SAMD5: variants seen among roughly 807,000 people sequenced by gnomAD.
The protein encoded by SAMD5 is sterile alpha motif domain-containing protein 5.
A neutral mutation model predicts 11.3 loss-of-function variants in SAMD5; 13 were observed. The ratio of observed to expected loss-of-function variants is 1.15; its 90% CI spans 0.75 to 1.83. The LOEUF (loss-of-function observed/expected upper bound fraction) is 1.83. Among genes scored for constraint, SAMD5 ranks in the 40% most tolerant of loss-of-function variants. SAMD5 has a pLI of 0.00. For synonymous variants in SAMD5, 129 were observed against 111.3 expected (o/e 1.16, Z -1.00); for missense variants, 255 against 239.1 (o/e 1.07, Z -0.44).
chr6:147,563,263 G>A (rs539053019), intron 1 of SAMD5, among the ~76,000 whole-genome samples: 5 of 152,278 alleles, frequency 3.3e-5, no homozygotes, highest in Admixed American at 3.3e-4. Context: ...AATGGCAGGT[G>A]CTAAAACAAA....
the SAMD5 span, among the ~76,000 whole-genome samples, chr6:147,900,199 T>G: frequency 1.4e-3 from 213 of 152,260 alleles, no homozygotes; most frequent in African/African-American, 4.9e-3. Context: ...TGTTCCCAAC[T>G]TGTCAGGACC....
intron 1 of SAMD5, among the ~76,000 whole-genome samples, chr6:147,701,635 A>G (rs1437895887): frequency 2.7e-5 from 4 of 147,484 alleles, no homozygotes; most frequent in African/African-American, 1.0e-4. Flanking sequence ...AGGCTGGGCA[A>G]CAGAGCTAGT....
At chr6:147,639,633 G>C (rs1790280827) in intron 1 of SAMD5, among the ~76,000 whole-genome samples, 2 of 152,224 alleles carry the variant, frequency 1.3e-5, no homozygotes, top group Non-Finnish European at 2.9e-5. Context: ...CAAGAGCAGA[G>C]GGTAGCATAA....
chr6:147,536,715 T>C (rs1788514810), intron 1 of SAMD5, among the ~76,000 whole-genome samples: 1 of 152,122 alleles, frequency 6.6e-6, no homozygotes, highest in South Asian at 2.1e-4. Flanking sequence ...TTCTGTGGCA[T>C]GCAACAATTT....
intron 1 of SAMD5, among the ~76,000 whole-genome samples, chr6:147,560,018 A>G (rs1244663768): frequency 6.6e-6 from 1 of 152,164 alleles, no homozygotes; most frequent in African/African-American, 2.4e-5. Flanking sequence ...GGCAATAAAG[A>G]CTATCTGACT....
chr6:147,593,554 A>T (rs1583098978), intron 1 of SAMD5, among the ~76,000 whole-genome samples: 1 of 152,210 alleles, frequency 6.6e-6, no homozygotes, highest in South Asian at 2.1e-4. Context: ...CCAGCTGTGT[A>T]TTGAAGTGTT....
chr6:147,740,446 T>G (rs773391746), downstream of SAMD5, among the ~76,000 whole-genome samples: 90 of 152,298 alleles, frequency 5.9e-4, no homozygotes, highest in Non-Finnish European at 1.0e-3. Flanking sequence ...AAACCTAAAT[T>G]TCACCACAAG....
In SAMD5 at chr6:147,609,844, C is replaced by A. The variant is rs573090463; in HGVS notation, c.162+100457C>A. Among the ~76,000 whole-genome samples the A allele has an allele frequency of 2.6e-5, 4 of 152,304 alleles. No homozygotes were observed. In the South Asian group the frequency reaches 8.3e-4, roughly 32 times the overall value. On this transcript the variant is annotated intron_variant, in intron 1 of 1. Transcript: ENST00000566741. The stretch of plus-strand genomic sequence containing the variant: ...GTGCTGGGATTATAGGCATGAGCCA[C>A]CACGCCCGGCCAGAGAGAACATATT...
At chr6:147,716,951 A>T (rs981605317) in intron 1 of SAMD5, among the ~76,000 whole-genome samples, 23 of 152,264 alleles carry the variant, frequency 1.5e-4, no homozygotes, top group African/African-American at 5.3e-4. Flanking sequence ...ACACGTTCTT[A>T]CTCAGCTCCA....
At chr6:147,651,036 A>G (rs967841105) in intron 1 of SAMD5, among the ~76,000 whole-genome samples, 3 of 152,242 alleles carry the variant, frequency 2.0e-5, no homozygotes, top group African/African-American at 7.2e-5. Context: ...AGCTAAAATT[A>G]TGACATTTTG....
the SAMD5 span, among the ~76,000 whole-genome samples, chr6:147,821,189 C>T: frequency 1.3e-5 from 2 of 152,188 alleles, no homozygotes; most frequent in Admixed American, 1.3e-4. Context: ...GGAAGCTTGA[C>T]ATACTTTGAT....
At chr6:147,919,349 A>C in the SAMD5 span, among the ~76,000 whole-genome samples, 6 of 152,144 alleles carry the variant, frequency 3.9e-5, no homozygotes, top group Non-Finnish European at 7.3e-5. Context: ...GGAGAAAGTG[A>C]GTTATAACTT....
At chr6:147,662,306 C>G (rs1463228371) in intron 1 of SAMD5, among the ~76,000 whole-genome samples, 1 of 152,194 alleles carries the variant, frequency 6.6e-6, no homozygotes, top group Non-Finnish European at 1.5e-5. Flanking sequence ...TAAGTATCTC[C>G]TTTCAGAGAT....
In SAMD5 at chr6:147,567,566, AGG is replaced by A; in HGVS notation, c.*3111_*3112del. 18 of 874,598 alleles carry A rather than the reference AGG, an allele frequency of 2.1e-5. No homozygotes were observed. Among genetic ancestry groups the A allele is most frequent in the Non-Finnish European group, 2.5e-5 (18 of 728,946 alleles). The allele number at this position is 874,598 out of a possible 1,614,324, so 54.2% of individuals were successfully genotyped here. A position where few individuals can be genotyped will look rare whatever the true frequency, so the allele number is the denominator to read the frequency against. ...AATAAATACCTCTATAGCTCTTAAG[AGG>A]CTTAAGAGTTCTATGGCTTACACCC... On this transcript the variant is annotated 3_prime_UTR_variant, in exon 2 of 2. Coordinates refer to ENST00000367474, the MANE Select transcript of SAMD5 (RefSeq NM_001030060.3).
chr6:147,539,703 A>G (rs74591444), intron 1 of SAMD5, among the ~76,000 whole-genome samples: 18 of 134,882 alleles, frequency 1.3e-4, no homozygotes, highest in Admixed American at 4.4e-4. Flanking sequence ...TGGCAAGATG[A>G]AAAAAAAAAA....
In SAMD5 at chr6:147,724,054, C is replaced by T. The variant is rs571771062; in HGVS notation, c.163-13263C>T. Among the ~76,000 whole-genome samples the T allele has an allele frequency of 6.0e-4, 91 of 152,294 alleles. 1 individual carries two copies. Among genetic ancestry groups the T allele is most frequent in the Middle Eastern group, 3.4e-3 (1 of 294 alleles). On this transcript the variant is annotated intron_variant, in intron 1 of 1. Coordinates refer to the SAMD5 transcript ENST00000566741. Reference sequence around the variant, plus strand: ...ATGCAAAAAATCCACAATCACATTGCAGGGAAATAATTCAACATTTTTCTT... The same window carrying T: ...ATGCAAAAAATCCACAATCACATTGTAGGGAAATAATTCAACATTTTTCTT...
chr6:147,587,701 T>A (rs1292613473), intron 1 of SAMD5, among the ~76,000 whole-genome samples: 1 of 152,196 alleles, frequency 6.6e-6, no homozygotes, highest in African/African-American at 2.4e-5. Context: ...GTGAATTTAC[T>A]ATAGAGTTAC....
chr6:147,940,202 AT>A, the SAMD5 span, among the ~76,000 whole-genome samples: 6,855 of 133,072 alleles, frequency 0.052, 254 homozygotes, highest in African/African-American at 0.13. Context: ...GGCAGAATTC[AT>A]TTTTTTTTTT....
the SAMD5 span, among the ~76,000 whole-genome samples, chr6:147,769,337 T>C: frequency 1.3e-5 from 2 of 152,184 alleles, no homozygotes; most frequent in African/African-American, 4.8e-5. Flanking sequence ...TTCCTACACT[T>C]CATCTTTTCA....
Sources: allele counts gnomAD v4.1 joint callset (sites outside exome capture counted in the v4.1 genomes callset), GRCh38; gene constraint gnomAD v4.1.1; transcripts MANE v1.5; gene names NCBI Gene and HGNC (gene_info 2026-07-23, HGNC 2026-07-21).